STT3A: variants seen among roughly 807,000 people sequenced by gnomAD.
STT3A encodes the protein STT3 oligosaccharyltransferase complex catalytic subunit A, also known as dolichyl-diphosphooligosaccharide--protein glycosyltransferase subunit STT3A.
Under a neutral mutation model 89.2 loss-of-function variants are expected in STT3A, and 34 were observed. The observed-to-expected ratio is 0.38, with a 90% CI of 0.29 to 0.51. STT3A has a LOEUF of 0.51. Among genes scored for constraint, STT3A ranks in the 20% least tolerant of loss-of-function variants. The pLI, the probability that STT3A is intolerant of heterozygous loss-of-function variation, is 0.89. For synonymous variants in STT3A, 282 were observed against 310.3 expected (o/e 0.91, Z 0.96); for missense variants, 555 against 889.5 (o/e 0.62, Z 4.78).
intron 6 of STT3A, among the ~76,000 whole-genome samples, chr11:125,604,614 T>C (rs1939781516): frequency 6.6e-6 from 1 of 152,230 alleles, no homozygotes; most frequent in African/African-American, 2.4e-5. Context: ...TGGGAAAACA[T>C]AGTATTAAGT....
At chr11:125,611,214 C>T (rs954783366) in intron 10 of STT3A, 15 of 413,768 alleles carry the variant, frequency 3.6e-5, no homozygotes, top group Non-Finnish European at 5.3e-5. Context: ...TGTTTTTGGA[C>T]ATTTGGGTTG....
intron 16 of STT3A, 149 bp from the exon 17 acceptor site, chr11:125,619,862 C>T: frequency 1.6e-6 from 1 of 631,016 alleles, no homozygotes; most frequent in East Asian, 2.8e-5. Flanking sequence ...CCCTTACTAC[C>T]TCATGCCCTT....
chr11:125,614,466 T>G lies in STT3A; in HGVS notation c.1774+40T>G. On this transcript the variant is annotated intron_variant, in intron 15 of 17. Transcript: ENST00000392708. The surrounding 1 kb of genome is among the most constrained non-coding windows in gnomAD (Gnocchi z 4.9). ...TCTGTTTCTAGCTGCAGGACATAGA[T>G]TCTAAGAAAACTAGATGAATATCCT... The G allele has an allele frequency of 6.4e-7, 1 of 1,569,362 alleles. No homozygotes were observed. The highest frequency in any genetic ancestry group is 8.7e-7 in the Non-Finnish European group (1 of 1,145,852).
rs1019590696 is a variant in STT3A at position 125,613,314 on chromosome 11, G to T, written c.1554+137G>T. 1.1e-6 allele frequency: 1 copy of T among 881,844 alleles called. No homozygotes were observed. Among genetic ancestry groups the T allele is most frequent in the Non-Finnish European group, 1.7e-6 (1 of 590,194 alleles). The allele number at this position is 881,844 out of a possible 1,614,324, so 54.6% of individuals were successfully genotyped here. On this transcript the variant is annotated intron_variant, in intron 13 of 17. Coordinates refer to ENST00000392708, the MANE Select transcript of STT3A (RefSeq NM_152713.5). This position sits in a 1 kb window ranked among gnomAD's most constrained non-coding sequence, Gnocchi z 4.2. ...ACTTTGCAACTCTAGTCTTGAATGA[G>T]CCTTAAAGGTGAACCTCCATTCAAT...
Position 125,595,957 on chromosome 11 carries a change from G to T in STT3A, c.42G>T (p.Gln14His), listed in dbSNP as rs1179336023. Residue 14 changes from glutamine to histidine, a missense_variant, in exon 2 of 18, where the codon CAG becomes CAT. Coordinates refer to ENST00000392708, the MANE Select transcript of STT3A (RefSeq NM_152713.5). ...TTTTGCGATTGTCCTATGAGAAGCA[G>T]GACACACTTTTGAAGCTTCTCATTC... ...FGFLRLSYEK[Q>H]DTLLKLLILS... The T allele has an allele frequency of 6.2e-7, 1 of 1,613,898 alleles. No individual in the cohort carries two copies. Among genetic ancestry groups the T allele is most frequent in the Non-Finnish European group, 8.5e-7 (1 of 1,179,954 alleles).
chr11:125,619,923 TTAG>T, intron 16 of STT3A, 85 bp from the exon 17 acceptor site: 1 of 1,096,122 alleles, frequency 9.1e-7, no homozygotes, highest in South Asian at 1.5e-5. Flanking sequence ...TAATCATCAA[TTAG>T]TAGATGGTTT....
intron 7 of STT3A, 24 bp from the exon 8 acceptor site, chr11:125,606,277 C>G: frequency 6.2e-7 from 1 of 1,607,116 alleles, no homozygotes. Context: ...CTCAGAGGAA[C>G]TGTTTTTTTC....
At position 125,602,942 on chromosome 11, in the gene STT3A, G is replaced by C. The variant is rs553938298; in HGVS notation, c.411G>C (p.Glu137Asp). The C allele has an allele frequency of 6.2e-7, 1 of 1,613,992 alleles. No individual in the cohort carries two copies. Among genetic ancestry groups the C allele is most frequent in the Non-Finnish European group, 8.5e-7 (1 of 1,179,978 alleles). ...TCGTCACGTACCACCTTACCAAAGA[G>C]CTCAAGGTGAAGGATTTGGGGTGAC... is the stretch of plus-strand genomic sequence containing the variant. ...TTIVTYHLTK[E>D]LKDAGAGLLA... The change falls in exon 5 of 18, where the codon GAG becomes GAC. Residue 137 changes from glutamate to aspartate, a missense_variant. Transcript: ENST00000392708.
In STT3A at chr11:125,606,354, C is replaced by T. The variant is rs745372487; in HGVS notation, c.669C>T (p.Val223=). ...VFLINLIPLH[V]LVLMLTGRFS... ...TGATCAACTTAATTCCTCTCCACGT[C>T]CTCGTGCTGATGCTCACAGGCCGTT... Residue 223 remains valine, a synonymous_variant, in exon 8 of 18, where the codon GTC becomes GTT. Transcript: ENST00000392708. The T allele has an allele frequency of 2.5e-6, 4 of 1,614,176 alleles. No homozygotes were observed. The highest frequency in any genetic ancestry group is 2.2e-5 in the East Asian group (1 of 44,882).
rs1271905752 is a variant in STT3A at position 125,618,535 on chromosome 11, G to A, written c.1937G>A (p.Arg646His). ...CTCATGTACAAGATGTGTTACTATC[G>A]CTTTGGACAGGTTTACACAGAAGCC... is the stretch of plus-strand genomic sequence containing the variant. The part of the protein sequence containing the change: ...NCLMYKMCYY[R>H]FGQVYTEAKR... The change falls in exon 16 of 18, where the codon CGC (arginine) becomes CAC (histidine). Residue 646 changes from arginine (R) to histidine (H), a missense_variant. This residue lies in a region of STT3A where 273 missense variants were observed against 449.8 expected (regional missense o/e 0.61). Transcript: ENST00000392708. The A allele has an allele frequency of 2.5e-6, 4 of 1,613,024 alleles. No individual in the cohort carries two copies. Among genetic ancestry groups the A allele is most frequent in the African/African-American group, 2.7e-5 (2 of 74,770 alleles).
chr11:125,615,335 C>T (rs1161790974), intron 15 of STT3A, among the ~76,000 whole-genome samples: 6 of 152,018 alleles, frequency 3.9e-5, no homozygotes, highest in Non-Finnish European at 8.8e-5. Context: ...AAATCTAAGC[C>T]CCCTTAACAT....
chr11:125,603,762 T>G (rs1364647950), intron 5 of STT3A, among the ~76,000 whole-genome samples: 1 of 152,222 alleles, frequency 6.6e-6, no homozygotes, highest in East Asian at 1.9e-4. Context: ...AATAATTTTC[T>G]TCCTTTGATT....
At chr11:125,604,012 C>A in intron 5 of STT3A, 145 bp from the exon 6 acceptor site, 1 of 792,554 alleles carries the variant, frequency 1.3e-6, no homozygotes. Context: ...GTGAGCATTT[C>A]TAGCATTTCT....
At chr11:125,609,039 A>G (rs1031618529) in intron 9 of STT3A, among the ~76,000 whole-genome samples, 1 of 151,968 alleles carries the variant, frequency 6.6e-6, no homozygotes, top group Admixed American at 6.6e-5. Flanking sequence ...CTTTTTCTCT[A>G]CTTTGCTTTC....
At chr11:125,595,461 T>C (rs1410640088) in intron 1 of STT3A, among the ~76,000 whole-genome samples, 3 of 151,990 alleles carry the variant, frequency 2.0e-5, no homozygotes, top group South Asian at 2.1e-4. Context: ...ATTTCCTGCT[T>C]CCCCCCCTCC....
intron 11 of STT3A, 73 bp from the exon 12 acceptor site, chr11:125,612,519 G>C: frequency 1.3e-6 from 2 of 1,509,518 alleles, no homozygotes; most frequent in Non-Finnish European, 1.8e-6. Flanking sequence ...TTGATGTCTT[G>C]ATCTACTAAT....
rs1170511883 is a variant in STT3A at position 125,611,288 on chromosome 11, GT to G, written c.1118-133del. ...AACATCTTTGCATGTTTCTATGATT[GT>G]TTTTTTAGGATAAATTCCTGGAAGT... On this transcript the variant is annotated intron_variant, in intron 10 of 17. Transcript: ENST00000392708. The G allele has an allele frequency of 2.5e-5, 17 of 667,740 alleles. No individual in the cohort carries two copies. The East Asian group carries it at 3.2e-4, about 13-fold the overall frequency. 41.4% of individuals were successfully genotyped at this position (667,740 alleles called of 1,614,324 possible). A position where few individuals can be genotyped will look rare whatever the true frequency, so the allele number is the denominator to read the frequency against.
At chr11:125,612,308 A>C (rs1316325905) in intron 11 of STT3A, among the ~76,000 whole-genome samples, 3 of 152,252 alleles carry the variant, frequency 2.0e-5, no homozygotes, top group Non-Finnish European at 4.4e-5. Flanking sequence ...TATATATTGT[A>C]GTAAAATAGT....
chr11:125,619,335 C>T (rs1029454318), intron 16 of STT3A, among the ~76,000 whole-genome samples: 18 of 151,950 alleles, frequency 1.2e-4, no homozygotes, highest in Admixed American at 1.3e-4. Context: ...GCTGGGATTA[C>T]AGGCATGAGC....
Sources: gnomAD v4.1 joint callset for allele counts (sites outside exome capture counted in the v4.1 genomes callset) on GRCh38, gnomAD v4.1.1 for gene constraint, gnomAD v4.1.1 regional missense constraint, Gnocchi (gnomAD v3.1) non-coding constraint, MANE v1.5 for transcripts, NCBI Gene and HGNC (gene_info 2026-07-23, HGNC 2026-07-21) for gene names.